The following IL1RAPL2 variants were observed in gnomAD, a reference collection of about 807,000 sequenced individuals.
IL1RAPL2 encodes X-linked interleukin-1 receptor accessory protein-like 2.
Under a neutral mutation model 44.1 loss-of-function variants are expected in IL1RAPL2, and 3 were observed. The ratio of observed to expected loss-of-function variants is 0.07; its 90% confidence interval spans 0.03 to 0.18. IL1RAPL2 has a LOEUF of 0.18. Ranked by LOEUF, IL1RAPL2 falls within the 10% of genes least tolerant of loss-of-function variation. The pLI, the probability that IL1RAPL2 is intolerant of heterozygous loss-of-function variation, is 1.00. For missense variants in IL1RAPL2, 391 were observed against 496.4 expected (o/e 0.79, Z 2.02); for synonymous variants, 181 against 178.8 (o/e 1.01, Z -0.10).
intron 2 of IL1RAPL2, among the ~76,000 whole-genome samples, chrX:105,109,758 A>G (rs1287230150): frequency 8.9e-6 from 1 of 112,585 alleles, no homozygotes; most frequent in African/African-American, 3.2e-5. Flanking sequence ...ACATATGTGA[A>G]TTATATCTCA....
intron 2 of IL1RAPL2, among the ~76,000 whole-genome samples, chrX:104,843,177 C>T (rs1348660446): frequency 8.9e-6 from 1 of 111,853 alleles, no homozygotes; most frequent in Non-Finnish European, 1.9e-5. Flanking sequence ...TCTGCCCAGT[C>T]CAAACCTCCC....
intron 2 of IL1RAPL2, among the ~76,000 whole-genome samples, chrX:104,858,056 C>T (rs1444395564): frequency 9.0e-6 from 1 of 110,505 alleles, no homozygotes; most frequent in Non-Finnish European, 1.9e-5. Flanking sequence ...GGTCCTAAGA[C>T]TGAAAGAGGA....
chrX:105,049,931 T>A (rs952382730), intron 2 of IL1RAPL2, among the ~76,000 whole-genome samples: 15 of 111,761 alleles, frequency 1.3e-4, no homozygotes, highest in Non-Finnish European at 2.3e-4. Context: ...AATAGTAAAC[T>A]AAATATCTGT....
chrX:104,801,013 G>C (rs1490138740), intron 2 of IL1RAPL2, among the ~76,000 whole-genome samples: 1 of 112,885 alleles, frequency 8.9e-6, no homozygotes, highest in African/African-American at 3.2e-5. Flanking sequence ...GATTTCAAGT[G>C]AACAACCAGC....
At chrX:104,651,125 G>T (rs983224959) in intron 1 of IL1RAPL2, among the ~76,000 whole-genome samples, 4 of 111,949 alleles carry the variant, frequency 3.6e-5, no homozygotes, top group Admixed American at 2.9e-4. Context: ...CTCTTCTGTG[G>T]AAATGGGATT....
chrX:105,730,128 C>A (rs1199993724), intron 7 of IL1RAPL2, among the ~76,000 whole-genome samples: 1 of 110,886 alleles, frequency 9.0e-6, no homozygotes, highest in Non-Finnish European at 1.9e-5. Flanking sequence ...AAACACATTT[C>A]ACCTGTAGAG....
intron 6 of IL1RAPL2, among the ~76,000 whole-genome samples, chrX:105,560,392 A>G (rs919853908): frequency 9.0e-6 from 1 of 111,319 alleles, no homozygotes; most frequent in African/African-American, 3.3e-5. Flanking sequence ...TCCCAAAGAT[A>G]TCTCTTTTCA....
intron 1 of IL1RAPL2, among the ~76,000 whole-genome samples, chrX:104,637,590 T>G (rs777202001): frequency 9.0e-6 from 1 of 111,500 alleles, no homozygotes; most frequent in South Asian, 3.8e-4. Flanking sequence ...TGTATGTTTT[T>G]TTCGTTCATG....
chrX:104,767,625 G>A (rs375565098), intron 2 of IL1RAPL2, among the ~76,000 whole-genome samples: 1 of 111,714 alleles, frequency 9.0e-6, no homozygotes, highest in East Asian at 2.8e-4. Context: ...GATAACACCG[G>A]CAAAAAGTTT....
At chrX:104,765,148 A>T (rs1211834340) in intron 2 of IL1RAPL2, among the ~76,000 whole-genome samples, 1 of 111,907 alleles carries the variant, frequency 8.9e-6, no homozygotes, top group East Asian at 2.8e-4. Flanking sequence ...AATGTTTGAT[A>T]GAATTTAGCA....
intron 2 of IL1RAPL2, among the ~76,000 whole-genome samples, chrX:104,760,505 G>A (rs1163671016): frequency 8.9e-6 from 1 of 111,770 alleles, no homozygotes; most frequent in East Asian, 2.8e-4. Flanking sequence ...TCTCATTGCA[G>A]TTTTGATTTG....
intron 2 of IL1RAPL2, among the ~76,000 whole-genome samples, chrX:104,765,877 A>G (rs1041121233): frequency 1.8e-5 from 2 of 112,420 alleles, no homozygotes; most frequent in East Asian, 5.6e-4. Context: ...TCTGAATGAC[A>G]GTCAGGGATA....
At chrX:104,937,211 T>C (rs1415561580) in intron 2 of IL1RAPL2, among the ~76,000 whole-genome samples, 1 of 112,611 alleles carries the variant, frequency 8.9e-6, no homozygotes, top group Non-Finnish European at 1.9e-5. Context: ...GAAATGTATT[T>C]ATTAGGATAG....
At chrX:105,761,178 CAAAAAAAAAAAAAAAAGA>C in intron 10 of IL1RAPL2, among the ~76,000 whole-genome samples, 1 of 35,335 alleles carries the variant, frequency 2.8e-5, no homozygotes, top group Admixed American at 4.0e-4. Flanking sequence ...GACTCCGTCT[CAAAAAAAAAAAAAAAAGA>C]AAAAGAAAAA....
chrX:105,181,918 T>C (rs1395492027), intron 2 of IL1RAPL2, among the ~76,000 whole-genome samples: 1 of 108,344 alleles, frequency 9.2e-6, no homozygotes, highest in Non-Finnish European at 1.9e-5. Flanking sequence ...GAAAAAAAAA[T>C]TAGCTGGGTG....
At chrX:105,759,788 A>C (rs1171020845) in intron 10 of IL1RAPL2, among the ~76,000 whole-genome samples, 7 of 112,318 alleles carry the variant, frequency 6.2e-5, no homozygotes, top group Non-Finnish European at 1.1e-4. Context: ...ATCTGGTGTC[A>C]GATGATCCCT....
At chrX:104,626,422 A>T (rs1384391937) in intron 1 of IL1RAPL2, among the ~76,000 whole-genome samples, 1 of 109,950 alleles carries the variant, frequency 9.1e-6, no homozygotes, top group Non-Finnish European at 1.9e-5. Flanking sequence ...TTATTTTACC[A>T]ATGTCCTAAC....
At chrX:105,486,469 T>C (rs1248200422) in intron 6 of IL1RAPL2, among the ~76,000 whole-genome samples, 2 of 111,565 alleles carry the variant, frequency 1.8e-5, no homozygotes, top group Non-Finnish European at 3.8e-5. Flanking sequence ...GCTCTTCTTA[T>C]GTCCCCTATA....
intron 2 of IL1RAPL2, among the ~76,000 whole-genome samples, chrX:104,866,484 A>C (rs1397359030): frequency 1.8e-5 from 2 of 112,167 alleles, no homozygotes; most frequent in Non-Finnish European, 1.9e-5. Context: ...CTCTTTTTGT[A>C]AATAAAGTTT....
Sources: gnomAD v4.1 joint callset for allele counts (sites outside exome capture counted in the v4.1 genomes callset) on GRCh38, gnomAD v4.1.1 for gene constraint, MANE v1.5 for transcripts, NCBI Gene and HGNC (gene_info 2026-07-23, HGNC 2026-07-21) for gene names.